CSTA: variants seen among roughly 807,000 people sequenced by gnomAD.
CSTA encodes cystatin-A.
Under a neutral mutation model 9.2 loss-of-function variants are expected in CSTA, and 9 were observed. That is an observed-to-expected ratio of 0.97 (90% confidence interval 0.59 to 1.70). The LOEUF (loss-of-function observed/expected upper bound fraction) is 1.70. Ranked by LOEUF, CSTA falls within the 40% of genes most tolerant of loss-of-function variation. The pLI is 0.00. For missense variants in CSTA, 118 were observed against 113.1 expected, an observed-to-expected ratio of 1.04 and a Z score of -0.20; for synonymous variants, 36 against 40.6, an observed-to-expected ratio of 0.89 and a Z score of 0.43.
chr3:122,341,860 C>A lies in CSTA; in HGVS notation c.*293C>A. ...CACCCTCACCCCCACCATAGGCAGG[C>A]TGGATCGTGGACTATCAATTCACCA... On this transcript the variant is annotated 3_prime_UTR_variant, in exon 3 of 3. Coordinates refer to ENST00000264474, the MANE Select transcript of CSTA (RefSeq NM_005213.4). The A allele has an allele frequency of 2.6e-6, 1 of 383,224 alleles. No homozygotes were observed. The highest frequency in any genetic ancestry group is 2.4e-5 in the South Asian group (1 of 42,190). The allele number at this position is 383,224 out of a possible 1,614,324, so 23.7% of individuals were successfully genotyped here.
chr3:122,339,256 G>T (rs1393800913), intron 2 of CSTA, among the ~76,000 whole-genome samples: 1 of 152,210 alleles, frequency 6.6e-6, no homozygotes, highest in Admixed American at 6.5e-5. Flanking sequence ...CACAATGAGG[G>T]TAATAATCTA....
chr3:122,331,566 A>T (rs1339054457), intron 1 of CSTA, among the ~76,000 whole-genome samples: 1 of 152,158 alleles, frequency 6.6e-6, no homozygotes, highest in Non-Finnish European at 1.5e-5. Context: ...GGTCACACCC[A>T]CTGCCACCAC....
intron 1 of CSTA, among the ~76,000 whole-genome samples, chr3:122,331,104 AACACACACAC>A (rs10575257): frequency 7.5e-4 from 106 of 141,174 alleles, no homozygotes; most frequent in Non-Finnish European, 1.1e-3. Flanking sequence ...GCACACAACA[AACACACACAC>A]ACACACACAC....
At chr3:122,325,679 C>T (rs926891513) in intron 1 of CSTA, among the ~76,000 whole-genome samples, 9 of 152,184 alleles carry the variant, frequency 5.9e-5, no homozygotes, top group African/African-American at 2.2e-4. Context: ...TCTGATGAAA[C>T]TTTTCTAATC....
intron 2 of CSTA, among the ~76,000 whole-genome samples, chr3:122,339,857 C>A (rs546503848): frequency 1.1e-4 from 16 of 152,168 alleles, no homozygotes; most frequent in African/African-American, 3.6e-4. Flanking sequence ...CAGTACCCCC[C>A]AAAAATGTTA....
At chr3:122,331,854 T>A (rs1302547722) in intron 1 of CSTA, among the ~76,000 whole-genome samples, 1 of 152,128 alleles carries the variant, frequency 6.6e-6, no homozygotes, top group Admixed American at 6.5e-5. Flanking sequence ...GTCCCCAACC[T>A]TTTTGGTACC....
chr3:122,328,975 ATT>A (rs200855788), intron 1 of CSTA, among the ~76,000 whole-genome samples: 1 of 146,220 alleles, frequency 6.8e-6, no homozygotes, highest in Non-Finnish European at 1.5e-5. Flanking sequence ...TTAAAATTTA[ATT>A]TTTTTTTTGA....
intron 1 of CSTA, among the ~76,000 whole-genome samples, chr3:122,328,320 G>T (rs796546316): frequency 2.0e-5 from 3 of 151,960 alleles, no homozygotes; most frequent in African/African-American, 7.2e-5. Context: ...GGCCAACATG[G>T]TGAAACCCTG....
intron 1 of CSTA, among the ~76,000 whole-genome samples, chr3:122,325,814 C>T (rs968211307): frequency 6.6e-6 from 1 of 152,098 alleles, no homozygotes; most frequent in African/African-American, 2.4e-5. Flanking sequence ...ATTGTAAAGG[C>T]AATCTACTTA....
intron 2 of CSTA, among the ~76,000 whole-genome samples, chr3:122,338,772 T>C (rs1270059873): frequency 6.6e-6 from 1 of 152,220 alleles, no homozygotes; most frequent in Non-Finnish European, 1.5e-5. Flanking sequence ...TAGGAAACAT[T>C]CCATCAACAT....
chr3:122,331,776 T>C (rs9289190), intron 1 of CSTA, among the ~76,000 whole-genome samples: 140,569 of 152,192 alleles, frequency 0.92, 65,911 homozygotes, highest in East Asian at 1. Flanking sequence ...TCTTCAGTTG[T>C]TCATTGCCTC....
chr3:122,333,281 T>G (rs2075214531), intron 1 of CSTA, among the ~76,000 whole-genome samples: 1 of 152,110 alleles, frequency 6.6e-6, no homozygotes, highest in African/African-American at 2.4e-5. Flanking sequence ...GAGACCAAGG[T>G]GGGTGGATCA....
intron 1 of CSTA, among the ~76,000 whole-genome samples, chr3:122,334,421 G>A (rs543280684): frequency 3.9e-5 from 6 of 151,994 alleles, no homozygotes; most frequent in Non-Finnish European, 8.8e-5. Context: ...AGGCTGCAGT[G>A]AACTATGATC....
At chr3:122,336,201 C>A (rs2075236620) in intron 1 of CSTA, among the ~76,000 whole-genome samples, 1 of 152,142 alleles carries the variant, frequency 6.6e-6, no homozygotes, top group Non-Finnish European at 1.5e-5. Flanking sequence ...AAATACCGTT[C>A]TCCAATAAAA....
At chr3:122,338,432 A>G (rs1311583324) in intron 2 of CSTA, among the ~76,000 whole-genome samples, 2 of 152,040 alleles carry the variant, frequency 1.3e-5, no homozygotes, top group Admixed American at 1.3e-4. Flanking sequence ...ACCAGGGCAC[A>G]GTGTGGCTTA....
chr3:122,337,871 C>T lies in CSTA; in HGVS notation c.168+223C>T, dbSNP rs999744530. ...GTTTTATTACATTGATTCTTGATTT[C>T]TGGAAATTGTATAGAAAAAGATTTC... On this transcript the variant is annotated intron_variant, in intron 2 of 2. Coordinates refer to ENST00000264474, the MANE Select transcript of CSTA (RefSeq NM_005213.4). The T allele has an allele frequency of 1.7e-5, 9 of 534,684 alleles. No homozygotes were observed. In the South Asian group the frequency reaches 1.8e-4, roughly 11 times the overall value. The allele number at this position is 534,684 out of a possible 1,614,324, so 33.1% of individuals were successfully genotyped here.
chr3:122,332,919 G>T (rs1279518635), intron 1 of CSTA, among the ~76,000 whole-genome samples: 1 of 152,138 alleles, frequency 6.6e-6, no homozygotes, highest in Non-Finnish European at 1.5e-5. Context: ...AAGTTTCACT[G>T]ACAAGCTCCC....
chr3:122,341,834 C>A lies in CSTA; in HGVS notation c.*267C>A. 2.4e-6 allele frequency: 1 copy of A among 411,046 alleles called. No individual in the cohort carries two copies. The highest frequency in any genetic ancestry group is 4.5e-6 in the Non-Finnish European group (1 of 221,060). The allele number at this position is 411,046 out of a possible 1,614,324, so 25.5% of individuals were successfully genotyped here. A position where few individuals can be genotyped will look rare whatever the true frequency, so the allele number is the denominator to read the frequency against. On this transcript the variant is annotated 3_prime_UTR_variant, in exon 3 of 3. Transcript: ENST00000264474. Reference sequence around the variant, plus strand: ...TAATGCAACTGGCTAAAGGATAGTACCACCCTCACCCCCACCATAGGCAGG... The same window carrying A: ...TAATGCAACTGGCTAAAGGATAGTAACACCCTCACCCCCACCATAGGCAGG...
At chr3:122,334,334 T>C (rs1300932227) in intron 1 of CSTA, among the ~76,000 whole-genome samples, 1 of 152,198 alleles carries the variant, frequency 6.6e-6, no homozygotes, top group Non-Finnish European at 1.5e-5. Context: ...AAAACAGTTC[T>C]GGTACTCAAA....
Sources: allele counts gnomAD v4.1 joint callset (sites outside exome capture counted in the v4.1 genomes callset), GRCh38; gene constraint gnomAD v4.1.1; transcripts MANE v1.5; gene names NCBI Gene and HGNC (gene_info 2026-07-23, HGNC 2026-07-21).